The following TTC27 variants were observed in gnomAD, a reference collection of about 807,000 sequenced individuals.
TTC27 encodes the protein tetratricopeptide repeat domain 27.
In TTC27, 79 loss-of-function variants were observed where a neutral mutation model predicts 115.9. That is an observed-to-expected ratio of 0.68 (90% confidence interval 0.57 to 0.82). The LOEUF is 0.82. TTC27 is among the 40% of genes least tolerant of loss of function. TTC27 has a pLI of 0.00. For missense variants in TTC27, 1,054 were observed against 993.1 expected (o/e 1.06, Z -0.82); for synonymous variants, 401 against 356.0 (o/e 1.13, Z -1.42).
intron 13 of TTC27, among the ~76,000 whole-genome samples, chr2:32,760,120 A>ATTTTTTT (rs1372296215): frequency 2.0e-5 from 3 of 152,206 alleles, no homozygotes; most frequent in African/African-American, 7.2e-5. Context: ...TTGAAAAAAA[A>ATTTTTTT]TCAGAAGTGC....
In TTC27 at chr2:32,777,939, T is replaced by A. The variant is rs1161025605; in HGVS notation, c.1738T>A (p.Ser580Thr). 2 of 1,614,042 alleles carry A rather than the reference T, an allele frequency of 1.2e-6. No homozygotes were observed. Among genetic ancestry groups the A allele is most frequent in the Non-Finnish European group, 1.7e-6 (2 of 1,180,036 alleles). ...AYLALEDYQGSAKAFQRCVTL... is the reference protein window; with the variant it reads ...AYLALEDYQGTAKAFQRCVTL... ...TTTGGCCTTGGAAGACTATCAAGGT[T>A]CAGCAAAGGCATTTCAGCGCTGTGT... The change falls in exon 14 of 20, where the codon TCA (serine) becomes ACA (threonine). Residue 580 changes from serine to threonine, a missense_variant. Coordinates refer to ENST00000317907, the MANE Select transcript of TTC27 (RefSeq NM_017735.5).
intron 13 of TTC27, among the ~76,000 whole-genome samples, chr2:32,767,453 G>T (rs13007723): frequency 0.053 from 6,037 of 114,074 alleles, 179 homozygotes; most frequent in Middle Eastern, 0.11. Context: ...GTTTTTTTTT[G>T]TTTTTTTTTT....
intron 9 of TTC27, among the ~76,000 whole-genome samples, chr2:32,693,918 T>C (rs950845264): frequency 1.3e-5 from 2 of 152,220 alleles, no homozygotes; most frequent in African/African-American, 2.4e-5. Flanking sequence ...TAGAATGTGT[T>C]ATATAAATGT....
At chr2:32,742,684 G>T (rs775395022) in intron 12 of TTC27, among the ~76,000 whole-genome samples, 4 of 152,158 alleles carry the variant, frequency 2.6e-5, no homozygotes, top group Non-Finnish European at 5.9e-5. Flanking sequence ...AGAGGGAAAC[G>T]TGCTTTGGAG....
intron 3 of TTC27, among the ~76,000 whole-genome samples, chr2:32,636,295 T>C (rs1253677145): frequency 3.9e-5 from 6 of 152,110 alleles, no homozygotes; most frequent in African/African-American, 1.4e-4. Flanking sequence ...CTCACTGCAG[T>C]CTCTGCCTCC....
intron 5 of TTC27, among the ~76,000 whole-genome samples, chr2:32,651,065 T>G (rs1271168558): frequency 6.6e-6 from 1 of 152,200 alleles, no homozygotes; most frequent in East Asian, 1.9e-4. Flanking sequence ...TATGTGAACG[T>G]AAATGAACTT....
intron 14 of TTC27, 138 bp from the exon 15 acceptor site, chr2:32,782,488 C>A: frequency 1.8e-6 from 1 of 553,398 alleles, no homozygotes; most frequent in South Asian, 4.0e-5. Flanking sequence ...TTGCCATATA[C>A]CTTTAAACAC....
intron 10 of TTC27, among the ~76,000 whole-genome samples, chr2:32,716,742 A>G (rs1482805385): frequency 6.6e-6 from 1 of 151,368 alleles, no homozygotes; most frequent in Non-Finnish European, 1.5e-5. Flanking sequence ...TCCAGGCTGG[A>G]GTGCAGTGGT....
intron 10 of TTC27, among the ~76,000 whole-genome samples, chr2:32,732,069 A>C (rs1278214129): frequency 6.6e-6 from 1 of 152,174 alleles, no homozygotes; most frequent in Admixed American, 6.5e-5. Flanking sequence ...TCCAAAAAAA[A>C]CTGAATTGAT....
intron 5 of TTC27, among the ~76,000 whole-genome samples, chr2:32,660,854 C>A (rs1665521740): frequency 6.6e-6 from 1 of 152,106 alleles, no homozygotes; most frequent in Non-Finnish European, 1.5e-5. Context: ...ATGCCTATGT[C>A]CTGAATGGTA....
Position 32,678,282 on chromosome 2 carries a change from A to T in TTC27, c.1053-574A>T, listed in dbSNP as rs1444587079. Reference sequence around the variant, plus strand: ...AAAAAAAAAAAAAAAAAGATAAATTATGTTGACATTTAGTACACCAATCGC... The same window carrying T: ...AAAAAAAAAAAAAAAAAGATAAATTTTGTTGACATTTAGTACACCAATCGC... On this transcript the variant is annotated intron_variant, in intron 8 of 19. Coordinates refer to ENST00000317907, the MANE Select transcript of TTC27 (RefSeq NM_017735.5). Among the ~76,000 whole-genome samples the T allele has an allele frequency of 2.0e-5, 3 of 150,398 alleles. No homozygotes were observed. The East Asian group carries it at 5.8e-4, about 29-fold the overall frequency.
chr2:32,669,970 T>A (rs1301429428), intron 7 of TTC27, among the ~76,000 whole-genome samples: 1 of 151,832 alleles, frequency 6.6e-6, no homozygotes, highest in Non-Finnish European at 1.5e-5. Context: ...TTTTTTGAGA[T>A]GGTGTCTCAT....
intron 16 of TTC27, among the ~76,000 whole-genome samples, chr2:32,787,411 C>T (rs1490031882): frequency 6.6e-6 from 1 of 152,132 alleles, no homozygotes; most frequent in Non-Finnish European, 1.5e-5. Context: ...CATATATAGT[C>T]ACTTTGCAGA....
At chr2:32,774,582 C>G (rs1229243046) in intron 13 of TTC27, among the ~76,000 whole-genome samples, 2 of 152,152 alleles carry the variant, frequency 1.3e-5, no homozygotes, top group Admixed American at 1.3e-4. Context: ...CAACTATGTT[C>G]TGAGGAATCG....
chr2:32,777,845 T>A, intron 13 of TTC27, 37 bp from the exon 14 acceptor site: 1 of 1,593,628 alleles, frequency 6.3e-7, no homozygotes, highest in Non-Finnish European at 8.6e-7. Context: ...TAAATGTTTC[T>A]GTGTGTTTGA....
intron 12 of TTC27, among the ~76,000 whole-genome samples, chr2:32,753,429 CTTTTT>C (rs776515945): frequency 1.4e-5 from 1 of 72,848 alleles, no homozygotes; most frequent in African/African-American, 5.6e-5. Context: ...AATCAAATGC[CTTTTT>C]TTTTTTTTTT....
Position 32,702,913 on chromosome 2 carries a change from A to C in TTC27, c.1226A>C (p.Gln409Pro). ...CGCCGAGTGGAACGGGCAATGAGGC[A>C]GACACAGGTAAGAATTAATGTGGCA... Reference protein sequence around the residue: ...STRRVERAMRQTQALADQFED... With the variant: ...STRRVERAMRPTQALADQFED... The change falls in exon 10 of 20, where the codon CAG becomes CCG. Residue 409 changes from glutamine to proline, a missense_variant. By Grantham distance (76) the Gln-to-Pro change is moderately conservative (BLOSUM62 -1). Coordinates refer to ENST00000317907, the MANE Select transcript of TTC27 (RefSeq NM_017735.5). 6.2e-7 allele frequency: 1 copy of C among 1,613,166 alleles called. No homozygotes were observed. The highest frequency in any genetic ancestry group is 1.1e-5 in the South Asian group (1 of 91,042).
chr2:32,639,576 T>C (rs561982819), intron 3 of TTC27, among the ~76,000 whole-genome samples: 1 of 152,328 alleles, frequency 6.6e-6, no homozygotes, highest in African/African-American at 2.4e-5. Context: ...AATATAAATA[T>C]CAAATACACT....
chr2:32,782,824 T>G (rs1670225536), intron 15 of TTC27, 146 bp downstream of exon 15: 3 of 532,948 alleles, frequency 5.6e-6, no homozygotes, highest in Non-Finnish European at 9.8e-6. Flanking sequence ...TAGAAAAACT[T>G]AATTCAAACT....
Sources: gnomAD v4.1 joint callset for allele counts (sites outside exome capture counted in the v4.1 genomes callset) on GRCh38, gnomAD v4.1.1 for gene constraint, MANE v1.5 for transcripts, NCBI Gene and HGNC (gene_info 2026-07-23, HGNC 2026-07-21) for gene names.